Variants in NPC1L1 observed in about 807,000 individuals in gnomAD.
NPC1L1 encodes NPC1-like intracellular cholesterol transporter 1.
Under a neutral mutation model 117.0 loss-of-function variants are expected in NPC1L1, and 98 were observed. The observed-to-expected ratio is 0.84, with a 90% CI of 0.71 to 0.99. The LOEUF (loss-of-function observed/expected upper bound fraction) is 0.99. Among genes scored for constraint, NPC1L1 ranks in the 50% least tolerant of loss-of-function variants. NPC1L1 has a pLI of 0.00. For synonymous variants in NPC1L1, 729 were observed against 727.6 expected (o/e 1.00, Z -0.03); for missense variants, 1,540 against 1,710.0 (o/e 0.90, Z 1.75).
intron 14 of NPC1L1, 57 bp downstream of exon 14, chr7:44,520,707 CG>C: frequency 6.8e-7 from 1 of 1,469,836 alleles, no homozygotes; most frequent in East Asian, 2.3e-5. Flanking sequence ...CTGGGGTTTT[CG>C]GGGGCCCTCC....
chr7:44,533,831 T>C lies in NPC1L1; in HGVS notation c.2189A>G (p.Glu730Gly). The change falls in exon 7 of 19, where the codon GAG (glutamate) becomes GGG (glycine). Residue 730 changes from glutamate to glycine, a missense_variant. This residue lies in a region of NPC1L1 where 742 missense variants were observed against 873.6 expected (regional missense o/e 0.85). Transcript: ENST00000381160. ...TCGCCCAATGTGGACCTCTCGTGGC[T>C]CCCCAGGCCTCCGGGGCAGCCTCTG... ...EYQRLPRRPG[E>G]PREVHIGRAL... The C allele has an allele frequency of 1.2e-6, 2 of 1,612,380 alleles. No individual in the cohort carries two copies. The highest frequency in any genetic ancestry group is 2.2e-5 in the South Asian group (2 of 90,726).
chr7:44,523,728 G>A (rs1801429667), intron 10 of NPC1L1, among the ~76,000 whole-genome samples: 1 of 152,186 alleles, frequency 6.6e-6, no homozygotes, highest in African/African-American at 2.4e-5. Context: ...TTAGCTGGGT[G>A]TGGTGGCACA....
rs997850364 is a variant in NPC1L1, at chr7:44,531,116, G to A, written c.2637+639C>T. 2.0e-5 allele frequency among the ~76,000 whole-genome samples: 3 copies of A among 152,182 alleles called. No individual in the cohort carries two copies. In the South Asian group the frequency reaches 6.2e-4, roughly 32 times the overall value. ...TGTGGCTGCTTCCTCTTGGCCACCAGCCCATGGCCACCGCTGATGCATATC... is the reference window on the plus strand; with the variant it reads ...TGTGGCTGCTTCCTCTTGGCCACCAACCCATGGCCACCGCTGATGCATATC... On this transcript the variant is annotated intron_variant, in intron 10 of 18. Transcript: ENST00000381160.
In NPC1L1 at chr7:44,536,866, A is replaced by T. The variant is rs761772557; in HGVS notation, c.1657T>A (p.Phe553Ile). 1 of 1,614,072 alleles carries T rather than the reference A, an allele frequency of 6.2e-7. No homozygotes were observed. Among genetic ancestry groups the T allele is most frequent in the South Asian group, 1.1e-5 (1 of 91,086 alleles). The change falls in exon 3 of 19, where the codon TTC becomes ATC. Residue 553 changes from phenylalanine (F) to isoleucine (I), a missense_variant. This residue lies in a region of NPC1L1 where 793 missense variants were observed against 820.4 expected (regional missense o/e 0.97). Transcript: ENST00000381160. The surrounding 1 kb of genome is among the most constrained non-coding windows in gnomAD (Gnocchi z 4.7). ...MADYGAPVFP[F>I]LAIGGYKGKD... ...CCTTTGTACCCCCCAATGGCAAGGA[A>T]GGGGAAGACAGGGGCCCCGTAGTCA...
Position 44,539,621 on chromosome 7 carries a change from C to T in NPC1L1, c.776G>A (p.Cys259Tyr), listed in dbSNP as rs1477868851. 40 of 1,613,790 alleles carry T rather than the reference C, an allele frequency of 2.5e-5. No individual in the cohort carries two copies. Among genetic ancestry groups the T allele is most frequent in the Non-Finnish European group, 3.4e-5 (40 of 1,180,046 alleles). Residue 259 changes from cysteine (C) to tyrosine (Y), a missense_variant, in exon 2 of 19, where the codon TGT (cysteine) becomes TAT (tyrosine). By Grantham distance (194) the Cys-to-Tyr change is radical. Coordinates refer to ENST00000381160, the MANE Select transcript of NPC1L1 (RefSeq NM_001101648.2). This position sits in a 1 kb window ranked among gnomAD's most constrained non-coding sequence, Gnocchi z 4.4. ...DDVATCSCQD[C>Y]AASCPAIARP... ...GGCTATGGCAGGACAGGATGCAGCACAGTCTTGGCAGGAGCAGGTCGCCAC... is the reference window on the plus strand; with the variant it reads ...GGCTATGGCAGGACAGGATGCAGCATAGTCTTGGCAGGAGCAGGTCGCCAC...
intron 10 of NPC1L1, among the ~76,000 whole-genome samples, chr7:44,524,311 C>A (rs148383868): frequency 6.6e-6 from 1 of 152,246 alleles, no homozygotes; most frequent in African/African-American, 2.4e-5. Flanking sequence ...ATCTCCAGAG[C>A]TACCACATTA....
In NPC1L1 at chr7:44,516,073, TC is replaced by T; in HGVS notation, c.3633+10del. ...AGTGGGGCACAGGGTGGCCCACTCC[TC>T]TCCACTCACCGCACTTCCCATAGAG... On this transcript the variant is annotated intron_variant, in intron 17 of 18. Transcript: ENST00000381160. The T allele has an allele frequency of 6.2e-7, 1 of 1,609,638 alleles. No individual in the cohort carries two copies. Among genetic ancestry groups the T allele is most frequent in the Non-Finnish European group, 8.5e-7 (1 of 1,177,834 alleles).
Position 44,515,906 on chromosome 7 carries a change from C to T in NPC1L1, c.3693G>A (p.Lys1231=). The T allele has an allele frequency of 6.2e-7, 1 of 1,614,142 alleles. No individual in the cohort carries two copies. The highest frequency in any genetic ancestry group is 8.5e-7 in the Non-Finnish European group (1 of 1,180,028). The change falls in exon 18 of 19, where the codon AAG becomes AAA. Residue 1231 remains lysine, a synonymous_variant. Transcript: ENST00000381160. ...LPGILVLGLA[K]AQLIQIFFFR... ...AGAAGAAGATCTGAATGAGCTGGGC[C>T]TTGGCGAGGCCCAGGACAAGGATGC... is the stretch of plus-strand genomic sequence containing the variant.
chr7:44,515,626 A>C (rs1801159597), intron 18 of NPC1L1, among the ~76,000 whole-genome samples, 177 bp downstream of exon 18: 2 of 152,234 alleles, frequency 1.3e-5, no homozygotes, highest in Admixed American at 1.3e-4. Context: ...TGTTCACAGC[A>C]CATTAAATGA....
chr7:44,533,215 TAGG>T (rs2117061824), intron 8 of NPC1L1: 1 of 505,640 alleles, frequency 2.0e-6, no homozygotes, highest in East Asian at 4.0e-5. Context: ...TCATGCACTT[TAGG>T]AGGTTTGATT....
chr7:44,515,737 A>G, intron 18 of NPC1L1, 66 bp downstream of exon 18: 2 of 1,598,772 alleles, frequency 1.3e-6, no homozygotes, highest in Non-Finnish European at 1.7e-6. Context: ...TGTGGTGAGC[A>G]TGCACTGTTA....
chr7:44,516,448 A>G (rs1000337435), intron 16 of NPC1L1, among the ~76,000 whole-genome samples: 3 of 152,178 alleles, frequency 2.0e-5, no homozygotes, highest in Non-Finnish European at 2.9e-5. Flanking sequence ...TACAACAAAA[A>G]TTAAAATATT....
chr7:44,521,696 A>G lies in NPC1L1; in HGVS notation c.2953+16T>C. ...GAGCTGTGGTGGACAGTGAGTCCCC[A>G]TGGCCCCACACTCACTGACGGTCGA... On this transcript the variant is annotated intron_variant, in intron 12 of 18. Transcript: ENST00000381160. The G allele has an allele frequency of 6.2e-7, 1 of 1,613,926 alleles. No individual in the cohort carries two copies. Among genetic ancestry groups the G allele is most frequent in the Non-Finnish European group, 8.5e-7 (1 of 1,179,906 alleles).
In NPC1L1 at chr7:44,540,127, G is replaced by A; in HGVS notation, c.270C>T (p.Cys90=). 1 of 1,614,192 alleles carries A rather than the reference G, an allele frequency of 6.2e-7. No individual in the cohort carries two copies. ...RLYTGPNTQA[C]CSAKQLVSLE... ...GTGATACCAGCTGCTTGGCGGAGCA[G>A]CAGGCTTGGGTGTTGGGGCCGGTGT... is the stretch of plus-strand genomic sequence containing the variant. The change falls in exon 2 of 19, where the codon TGC becomes TGT. Residue 90 remains cysteine, a synonymous_variant. Coordinates refer to ENST00000381160, the MANE Select transcript of NPC1L1 (RefSeq NM_001101648.2).
intron 14 of NPC1L1, among the ~76,000 whole-genome samples, chr7:44,518,329 C>A (rs951105570): frequency 6.6e-6 from 1 of 151,180 alleles, no homozygotes; most frequent in Non-Finnish European, 1.5e-5. Flanking sequence ...GCCACCATGC[C>A]TGGCTAATTT....
At position 44,533,858 on chromosome 7, in the gene NPC1L1, G is replaced by T; in HGVS notation, c.2167-5C>A. 6.2e-7 allele frequency: 1 copy of T among 1,607,974 alleles called. No individual in the cohort carries two copies. Among genetic ancestry groups the T allele is most frequent in the Non-Finnish European group, 8.5e-7 (1 of 1,177,378 alleles). On this transcript the variant is annotated splice_region_variant and splice_polypyrimidine_tract_variant and intron_variant, in intron 6 of 18. Transcript: ENST00000381160. ...CCCAGGCCTCCGGGGCAGCCTCTGT[G>T]TGGGAACAGCAGGGATAAGAGCCAG...
chr7:44,540,684 G>C (rs887382011), intron 1 of NPC1L1, among the ~76,000 whole-genome samples: 1 of 152,008 alleles, frequency 6.6e-6, no homozygotes, highest in African/African-American at 2.4e-5. Flanking sequence ...CACATCCAGA[G>C]GCCAGGGTCT....
intron 10 of NPC1L1, among the ~76,000 whole-genome samples, chr7:44,530,699 G>T (rs1801669825): frequency 6.6e-6 from 1 of 152,086 alleles, no homozygotes; most frequent in Non-Finnish European, 1.5e-5. Flanking sequence ...CTTGCTCTTG[G>T]GGCACTAGAG....
At position 44,534,529 on chromosome 7, in the gene NPC1L1, G is replaced by C; in HGVS notation, c.2084C>G (p.Ser695Cys). Residue 695 changes from serine (S) to cysteine (C), a missense_variant, in exon 6 of 19, where the codon TCC becomes TGC. By Grantham distance (112) the Ser-to-Cys change is moderately radical. This residue lies in a region of NPC1L1 where 742 missense variants were observed against 873.6 expected (regional missense o/e 0.85). Transcript: ENST00000381160. This position sits in a 1 kb window ranked among gnomAD's most constrained non-coding sequence, Gnocchi z 5.2. ...AGGAACCACTTGCAGGATGACCAGG[G>C]AGGAGCGGATACCCAAGTAGGAGAA... is the stretch of plus-strand genomic sequence containing the variant. ...GFFSYLGIRS[S>C]LVILQVVPFL... 6.2e-7 allele frequency: 1 copy of C among 1,614,176 alleles called. No individual in the cohort carries two copies. Among genetic ancestry groups the C allele is most frequent in the Non-Finnish European group, 8.5e-7 (1 of 1,180,032 alleles).
Sources: allele counts gnomAD v4.1 joint callset (sites outside exome capture counted in the v4.1 genomes callset), GRCh38; gene constraint gnomAD v4.1.1; regional missense constraint gnomAD v4.1.1; non-coding constraint Gnocchi (gnomAD v3.1); transcripts MANE v1.5; gene names NCBI Gene and HGNC (gene_info 2026-07-23, HGNC 2026-07-21).